The following ARHGAP29 variants were observed in gnomAD, a reference collection of about 807,000 sequenced individuals.
ARHGAP29 encodes Rho GTPase activating protein 29.
In ARHGAP29, 43 loss-of-function variants were observed where a neutral mutation model predicts 122.6. That is an observed-to-expected ratio of 0.35 (90% CI 0.27 to 0.45). The LOEUF (loss-of-function observed/expected upper bound fraction) is 0.45, where lower values mean the gene tolerates loss of function less well. ARHGAP29 is among the 20% of genes least tolerant of loss of function. The pLI is 1.00. For synonymous variants in ARHGAP29, 506 were observed against 497.1 expected (o/e 1.02, Z -0.24); for missense variants, 1,303 against 1,477.2 (o/e 0.88, Z 1.93).
At chr1:94,247,042 G>C (rs2100686989) in intron 1 of ARHGAP29, among the ~76,000 whole-genome samples, 1 of 152,180 alleles carries the variant, frequency 6.6e-6, no homozygotes, top group Non-Finnish European at 1.5e-5. Context: ...AAATAGCCAG[G>C]GTCTAGGTGA....
intron 3 of ARHGAP29, among the ~76,000 whole-genome samples, chr1:94,214,578 T>C (rs912114930): frequency 1.3e-5 from 2 of 152,212 alleles, no homozygotes; most frequent in East Asian, 1.9e-4. Flanking sequence ...CCCATTGCCA[T>C]TGATTTAATT....
chr1:94,255,531 A>G (rs1210524919), intron 1 of ARHGAP29, among the ~76,000 whole-genome samples: 1 of 152,246 alleles, frequency 6.6e-6, no homozygotes, highest in East Asian at 1.9e-4. Context: ...CCTTCCCTGT[A>G]GAAATGTTAG....
At position 94,237,434 on chromosome 1, in the gene ARHGAP29, T is replaced by G. The variant is rs1336425709; in HGVS notation, c.-52A>C. On this transcript the variant is annotated 5_prime_UTR_variant, in exon 1 of 23. Coordinates refer to ENST00000260526, the MANE Select transcript of ARHGAP29 (RefSeq NM_004815.4). ...ACTCACCACGGCGCTCCATCTCGCG[T>G]GCCGGACGCGGACGCCCGCCCCACA... is the stretch of plus-strand genomic sequence containing the variant. 2 of 986,706 alleles carry G rather than the reference T, an allele frequency of 2.0e-6. No homozygotes were observed. The highest frequency in any genetic ancestry group is 3.5e-5 in the African/African-American group (2 of 57,192). The allele number at this position is 986,706 out of a possible 1,614,324, so 61.1% of individuals were successfully genotyped here.
chr1:94,287,254 C>G, the ARHGAP29 span, among the ~76,000 whole-genome samples: 2 of 152,002 alleles, frequency 1.3e-5, no homozygotes, highest in African/African-American at 4.8e-5. Flanking sequence ...AATTGTAATC[C>G]CCACATATTG....
At chr1:94,218,433 G>C (rs1026579336) in intron 3 of ARHGAP29, among the ~76,000 whole-genome samples, 1 of 152,206 alleles carries the variant, frequency 6.6e-6, no homozygotes, top group Non-Finnish European at 1.5e-5. Flanking sequence ...CAAGGTATCT[G>C]AGAGAGCACT....
chr1:94,301,214 G>T, the ARHGAP29 span, among the ~76,000 whole-genome samples: 1 of 152,150 alleles, frequency 6.6e-6, no homozygotes, highest in Non-Finnish European at 1.5e-5. Context: ...CCTCTTGTTA[G>T]TTTTTTCCTT....
chr1:94,199,249 A>G (rs12067736), intron 12 of ARHGAP29, among the ~76,000 whole-genome samples: 13,464 of 152,162 alleles, frequency 0.088, 859 homozygotes, highest in African/African-American at 0.17. Context: ...AAAAAAAAAG[A>G]CAGCAAGTAC....
the ARHGAP29 span, among the ~76,000 whole-genome samples, chr1:94,291,843 CTT>C: frequency 6.6e-6 from 1 of 152,172 alleles, no homozygotes; most frequent in African/African-American, 2.4e-5. Flanking sequence ...ATGGGCTTCC[CTT>C]TGTGGGTAAC....
At chr1:94,279,451 T>G (rs1405761504), upstream of ARHGAP29, among the ~76,000 whole-genome samples, 1 of 152,222 alleles carries the variant, frequency 6.6e-6, no homozygotes, top group African/African-American at 2.4e-5. Flanking sequence ...TAATTTCTCC[T>G]TCCAGTATGT....
At position 94,190,057 on chromosome 1, in the gene ARHGAP29, C is replaced by T. The variant is rs1352859833; in HGVS notation, c.1308G>A (p.Gln436=). The part of the protein sequence containing the change: ...KAVTVNLFHM[Q]HLQAASLADS... Reference sequence around the variant, plus strand: ...CTGCAAGGGAAGCAGCCTGCAGATGCTGCATGTGGAAGAGGTTAACTGTTA... The same window carrying T: ...CTGCAAGGGAAGCAGCCTGCAGATGTTGCATGTGGAAGAGGTTAACTGTTA... The change falls in exon 13 of 23, where the codon CAG becomes CAA. Residue 436 remains glutamine (Q), a synonymous_variant. Transcript: ENST00000260526. The T allele has an allele frequency of 1.9e-6, 3 of 1,613,254 alleles. No homozygotes were observed. The highest frequency in any genetic ancestry group is 3.3e-5 in the Admixed American group (2 of 59,888).
At chr1:94,235,275 C>T (rs1281515352) in intron 1 of ARHGAP29, among the ~76,000 whole-genome samples, 6 of 152,142 alleles carry the variant, frequency 3.9e-5, no homozygotes, top group African/African-American at 1.4e-4. Context: ...TAATGAGAAG[C>T]TGGAACAATA....
the ARHGAP29 span, among the ~76,000 whole-genome samples, chr1:94,280,955 T>A: frequency 6.6e-6 from 1 of 152,210 alleles, no homozygotes; most frequent in African/African-American, 2.4e-5. Flanking sequence ...TCCTGTGCCA[T>A]CTCTGCCATC....
rs780915121 is a variant in ARHGAP29, at chr1:94,202,553, A to G, written c.1134T>C (p.Ala378=). 1 of 1,613,646 alleles carries G rather than the reference A, an allele frequency of 6.2e-7. No homozygotes were observed. The highest frequency in any genetic ancestry group is 1.7e-5 in the Admixed American group (1 of 59,908). The part of the protein sequence containing the change: ...LEKKRRLEEE[A]LQKVEEANEL... Reference sequence around the variant, plus strand: ...AGAAAAAGATCGTTACTTTTTGGAGAGCCTCCTCTTCCAACCTTCGCTTTT... The same window carrying G: ...AGAAAAAGATCGTTACTTTTTGGAGGGCCTCCTCTTCCAACCTTCGCTTTT... Residue 378 remains alanine, a synonymous_variant, in exon 11 of 23, where the codon GCT becomes GCC. Transcript: ENST00000260526.
intron 3 of ARHGAP29, among the ~76,000 whole-genome samples, chr1:94,219,083 G>A (rs1412679144): frequency 2.0e-5 from 3 of 152,048 alleles, no homozygotes; most frequent in Non-Finnish European, 4.4e-5. Context: ...TCCTCACTCT[G>A]TGCTCCCATG....
chr1:94,192,575 TGGC>T (rs1332592647), intron 12 of ARHGAP29: 1 of 152,298 alleles, frequency 6.6e-6, no homozygotes, highest in Non-Finnish European at 1.5e-5. Flanking sequence ...GCAGCAATGA[TGGC>T]AGTAGCAGCT....
chr1:94,174,994 C>A (rs1442702579), intron 22 of ARHGAP29, among the ~76,000 whole-genome samples: 1 of 152,044 alleles, frequency 6.6e-6, no homozygotes, highest in African/African-American at 2.4e-5. Context: ...ACAAAAAAAA[C>A]ACTTGCTGAG....
At chr1:94,268,524 C>G (rs148996184) in intron 1 of ARHGAP29, among the ~76,000 whole-genome samples, 32 of 152,230 alleles carry the variant, frequency 2.1e-4, no homozygotes, top group Non-Finnish European at 3.4e-4. Context: ...TATGTTTCCA[C>G]ATGGGTAAGG....
At chr1:94,311,323 G>A in the ARHGAP29 span, among the ~76,000 whole-genome samples, 1 of 152,098 alleles carries the variant, frequency 6.6e-6, no homozygotes, top group African/African-American at 2.4e-5. Flanking sequence ...GTTCATGGAG[G>A]ATGAAGGCAA....
chr1:94,185,250 A>T, intron 17 of ARHGAP29, 92 bp downstream of exon 17: 2 of 1,372,910 alleles, frequency 1.5e-6, no homozygotes, highest in Non-Finnish European at 1.9e-6. Context: ...TTAAACATAT[A>T]TTTGCAAAAG....
Sources: allele counts gnomAD v4.1 joint callset (sites outside exome capture counted in the v4.1 genomes callset), GRCh38; gene constraint gnomAD v4.1.1; transcripts MANE v1.5; gene names NCBI Gene and HGNC (gene_info 2026-07-23, HGNC 2026-07-21).